The following LCP2 variants were observed in gnomAD, a reference collection of about 807,000 sequenced individuals.
LCP2 encodes the protein lymphocyte cytosolic protein 2.
Under a neutral mutation model 74.5 loss-of-function variants are expected in LCP2, and 29 were observed. That is an observed-to-expected ratio of 0.39 (90% CI 0.29 to 0.53). The LOEUF (loss-of-function observed/expected upper bound fraction) is 0.53. Among genes scored for constraint, LCP2 ranks in the 20% least tolerant of loss-of-function variants. The probability of loss-of-function intolerance (pLI) is 0.72; values close to 1 mark genes in which losing one functional copy is unlikely to be tolerated. For synonymous variants in LCP2, 228 were observed against 229.5 expected, an observed-to-expected ratio of 0.99 and a Z score of 0.06; for missense variants, 604 against 634.6, an observed-to-expected ratio of 0.95 and a Z score of 0.52.
chr5:170,293,723 G>A (rs1272381634), intron 1 of LCP2, among the ~76,000 whole-genome samples: 1 of 152,190 alleles, frequency 6.6e-6, no homozygotes, highest in African/African-American at 2.4e-5. Context: ...GACGACCTCG[G>A]TGTTTCTTTC....
chr5:170,297,252 G>GA (rs894298115), intron 1 of LCP2, among the ~76,000 whole-genome samples: 4 of 152,144 alleles, frequency 2.6e-5, no homozygotes, highest in African/African-American at 9.7e-5. Flanking sequence ...ACATAGTAGG[G>GA]AGCGCTAAAT....
intron 1 of LCP2, among the ~76,000 whole-genome samples, chr5:170,296,097 C>T (rs1171191066): frequency 6.6e-6 from 1 of 152,174 alleles, no homozygotes; most frequent in Non-Finnish European, 1.5e-5. Context: ...TTCTCAATTC[C>T]TTTCTTTTTC....
intron 10 of LCP2, among the ~76,000 whole-genome samples, chr5:170,263,478 G>T (rs1236771047): frequency 6.6e-6 from 1 of 152,200 alleles, no homozygotes; most frequent in Admixed American, 6.5e-5. Context: ...AGTTTCTGAA[G>T]AAACTTTTCA....
chr5:170,276,559 G>A (rs1405863256), intron 3 of LCP2, among the ~76,000 whole-genome samples: 7 of 152,194 alleles, frequency 4.6e-5, no homozygotes, highest in Non-Finnish European at 7.3e-5. Flanking sequence ...TAGTCCCTGG[G>A]TTCCTTCATG....
At chr5:170,296,304 C>G (rs1197698211) in intron 1 of LCP2, among the ~76,000 whole-genome samples, 1 of 152,032 alleles carries the variant, frequency 6.6e-6, no homozygotes, top group Non-Finnish European at 1.5e-5. Flanking sequence ...CAAAATATGG[C>G]AAAAAACAGG....
Position 170,270,767 on chromosome 5 carries a change from A to C in LCP2, c.475T>G (p.Ser159Ala). ...PSNDEEALQN[S>A]ILPAKPFPNS... ...GGGAAAGGCTTGGCAGGCAGGATGG[A>C]GTTCTGCAGAGCTTCCTCGTCATTG... The change falls in exon 7 of 21, where the codon TCC (serine) becomes GCC (alanine). Residue 159 changes from serine (S) to alanine (A), a missense_variant. Ser to Ala is a moderately conservative substitution (Grantham distance 99). Coordinates refer to ENST00000046794, the MANE Select transcript of LCP2 (RefSeq NM_005565.5). 6.3e-7 allele frequency: 1 copy of C among 1,596,600 alleles called. No homozygotes were observed. Among genetic ancestry groups the C allele is most frequent in the Non-Finnish European group, 8.5e-7 (1 of 1,172,300 alleles).
chr5:170,281,552 T>C (rs760066407), intron 3 of LCP2, among the ~76,000 whole-genome samples: 4 of 152,244 alleles, frequency 2.6e-5, no homozygotes, highest in East Asian at 1.9e-4. Context: ...AGTGCTGGGA[T>C]TACAGGCATT....
chr5:170,256,476 T>C lies in LCP2; in HGVS notation c.1150+50A>G, dbSNP rs768478021. On this transcript the variant is annotated intron_variant, in intron 17 of 20. Coordinates refer to ENST00000046794, the MANE Select transcript of LCP2 (RefSeq NM_005565.5). The surrounding 1 kb of genome is among the most constrained non-coding windows in gnomAD (Gnocchi z 4.5). ...CTTTTGGGACAGGTTAGGGATCCAG[T>C]CATAAAGGCTTGATGGCTGAAGCAC... 1.4e-6 allele frequency: 2 copies of C among 1,454,528 alleles called. No individual in the cohort carries two copies. The highest frequency in any genetic ancestry group is 1.9e-6 in the Non-Finnish European group (2 of 1,034,646). The allele number at this position is 1,454,528 out of a possible 1,614,324, so 90.1% of individuals were successfully genotyped here.
chr5:170,274,238 C>T lies in LCP2; in HGVS notation c.324+63G>A. ...GCTTCACTTGGCTCCATCCTGGCTC[C>T]TTATCACAAAGCTGCCCTGGACACT... On this transcript the variant is annotated intron_variant, in intron 6 of 20. Transcript: ENST00000046794. The T allele has an allele frequency of 1.9e-6, 3 of 1,564,482 alleles. No homozygotes were observed. In the Admixed American group the frequency reaches 5.3e-5, roughly 28 times the overall value.
At chr5:170,252,322 A>C in intron 19 of LCP2, 112 bp downstream of exon 19, 1 of 572,018 alleles carries the variant, frequency 1.7e-6, no homozygotes, top group Non-Finnish European at 3.1e-6. Flanking sequence ...TATTACAGAA[A>C]GCAACAGCAC....
intron 2 of LCP2, among the ~76,000 whole-genome samples, chr5:170,290,992 GAA>G (rs1342667017): frequency 5.5e-4 from 50 of 90,120 alleles, no homozygotes; most frequent in African/African-American, 2.3e-3. Flanking sequence ...AAGAAAGAAA[GAA>G]AGAAAGAGAG....
At chr5:170,281,425 G>A (rs908897759) in intron 3 of LCP2, among the ~76,000 whole-genome samples, 2 of 152,058 alleles carry the variant, frequency 1.3e-5, no homozygotes, top group South Asian at 2.1e-4. Flanking sequence ...GACTACAGGT[G>A]CCTGCCACCA....
chr5:170,266,887 A>C lies in LCP2; in HGVS notation c.693T>G (p.Pro231=). 6.2e-7 allele frequency: 1 copy of C among 1,613,416 alleles called. No homozygotes were observed. The highest frequency in any genetic ancestry group is 2.2e-5 in the East Asian group (1 of 44,856). ...TCGTGCTTCTGTCTATTGAAGGAGC[A>C]GGGACTGGAAGGGGAAAAGGCTGAC... ...RSRNHKTAKL[P]APSIDRSTKP... Residue 231 remains proline, a synonymous_variant, in exon 10 of 21, where the codon CCT becomes CCG. Transcript: ENST00000046794.
intron 1 of LCP2, among the ~76,000 whole-genome samples, chr5:170,293,969 G>A (rs1257241877): frequency 6.6e-6 from 1 of 152,044 alleles, no homozygotes; most frequent in African/African-American, 2.4e-5. Context: ...TAATAAAAAC[G>A]GCGAACAATT....
rs1262088548 is a variant in LCP2, at chr5:170,247,330, AGTCTCTACCTTCT to A, written c.*1354_*1366del. 2.6e-5 allele frequency: 4 copies of A among 152,248 alleles called. No individual in the cohort carries two copies. The highest frequency in any genetic ancestry group is 5.9e-5 in the Non-Finnish European group (4 of 68,044). The allele number at this position is 152,248 out of a possible 1,614,324, so 9.4% of individuals were successfully genotyped here. The stretch of plus-strand genomic sequence containing the variant: ...AACACCATTTTTATCATCAGTTAAA[AGTCTCTACCTTCT>A]GCATACTCCTTATTTTAACATATCA... On this transcript the variant is annotated 3_prime_UTR_variant, in exon 21 of 21. Coordinates refer to ENST00000046794, the MANE Select transcript of LCP2 (RefSeq NM_005565.5).
At chr5:170,268,359 C>G (rs1394480582) in intron 8 of LCP2, 26 bp downstream of exon 8, 8 of 398,098 alleles carry the variant, frequency 2.0e-5, no homozygotes, top group Middle Eastern at 4.2e-4. Context: ...ACACCAAGTA[C>G]TGTAAAAGAA....
intron 6 of LCP2, among the ~76,000 whole-genome samples, chr5:170,271,222 GCT>G (rs1761892624): frequency 6.6e-6 from 1 of 152,162 alleles, no homozygotes; most frequent in Non-Finnish European, 1.5e-5. Context: ...ACCGGAATAG[GCT>G]CTGTCTTGAG....
At chr5:170,260,693 G>C (rs1408879773) in intron 14 of LCP2, among the ~76,000 whole-genome samples, 1 of 152,210 alleles carries the variant, frequency 6.6e-6, no homozygotes, top group Non-Finnish European at 1.5e-5. Context: ...ATGTGCATAT[G>C]GTAAGCATTC....
At chr5:170,280,133 G>T (rs1172107864) in intron 3 of LCP2, among the ~76,000 whole-genome samples, 1 of 152,050 alleles carries the variant, frequency 6.6e-6, no homozygotes, top group Non-Finnish European at 1.5e-5. Context: ...GCGCATTCTT[G>T]CCACAGCTCA....
Sources: gnomAD v4.1 joint callset for allele counts (sites outside exome capture counted in the v4.1 genomes callset) on GRCh38, gnomAD v4.1.1 for gene constraint, Gnocchi (gnomAD v3.1) non-coding constraint, MANE v1.5 for transcripts, NCBI Gene and HGNC (gene_info 2026-07-23, HGNC 2026-07-21) for gene names.